Variants in RGS7 observed in about 807,000 individuals in gnomAD.
RGS7 encodes the protein regulator of G-protein signaling 7.
Under a neutral mutation model 81.1 loss-of-function variants are expected in RGS7, and 27 were observed. The ratio of observed to expected loss-of-function variants is 0.33; its 90% CI spans 0.25 to 0.46. The LOEUF (loss-of-function observed/expected upper bound fraction) is 0.46, where lower values mean the gene tolerates loss of function less well. Among genes scored for constraint, RGS7 ranks in the 20% least tolerant of loss-of-function variants. RGS7 has a pLI of 1.00. For missense variants in RGS7, 396 were observed against 607.4 expected (o/e 0.65, Z 3.66); for synonymous variants, 208 against 207.7 (o/e 1.00, Z -0.01).
intron 6 of RGS7, among the ~76,000 whole-genome samples, chr1:240,898,977 T>G (rs1242196333): frequency 2.0e-5 from 3 of 152,184 alleles, no homozygotes; most frequent in Admixed American, 6.5e-5. Flanking sequence ...CTGTATTGGG[T>G]GCATATATAT....
intron 3 of RGS7, among the ~76,000 whole-genome samples, chr1:240,992,613 T>G (rs1226200046): frequency 6.6e-6 from 1 of 152,164 alleles, no homozygotes; most frequent in African/African-American, 2.4e-5. Context: ...GTGCTATGTA[T>G]AGACCAAGGC....
At chr1:241,330,672 A>G (rs1400443688) in intron 2 of RGS7, among the ~76,000 whole-genome samples, 2 of 152,204 alleles carry the variant, frequency 1.3e-5, no homozygotes, top group Non-Finnish European at 2.9e-5. Flanking sequence ...CTATAGCTAT[A>G]TTTGTTTATG....
intron 3 of RGS7, among the ~76,000 whole-genome samples, chr1:241,071,439 T>G (rs532680787): frequency 6.6e-6 from 1 of 151,460 alleles, no homozygotes; most frequent in South Asian, 2.1e-4. Flanking sequence ...TTAGAGAACA[T>G]GTATGAGTTC....
At chr1:240,912,081 G>A (rs1358409756) in intron 6 of RGS7, among the ~76,000 whole-genome samples, 1 of 147,622 alleles carries the variant, frequency 6.8e-6, no homozygotes, top group Non-Finnish European at 1.5e-5. Flanking sequence ...AACCCATGAG[G>A]CGGAGCTTGC....
chr1:241,030,308 C>T (rs566148674), intron 3 of RGS7, among the ~76,000 whole-genome samples: 123 of 145,302 alleles, frequency 8.5e-4, no homozygotes, highest in Admixed American at 2.3e-3. Context: ...TTCTACCCTC[C>T]CACAGGGCTT....
At chr1:240,955,551 CAAAAAAAAAAA>C (rs369155474) in intron 4 of RGS7, among the ~76,000 whole-genome samples, 6 of 140,270 alleles carry the variant, frequency 4.3e-5, no homozygotes, top group Admixed American at 1.4e-4. Context: ...GACTCTGTCT[CAAAAAAAAAAA>C]AAAAAAAAAA....
At chr1:241,151,922 C>A (rs759865335) in intron 2 of RGS7, among the ~76,000 whole-genome samples, 1 of 152,160 alleles carries the variant, frequency 6.6e-6, no homozygotes, top group Non-Finnish European at 1.5e-5. Context: ...CTCCATGGTA[C>A]CATGTGCTTC....
intron 2 of RGS7, among the ~76,000 whole-genome samples, chr1:241,158,014 G>T (rs1177721383): frequency 2.0e-5 from 3 of 151,268 alleles, no homozygotes; most frequent in Admixed American, 2.0e-4. Flanking sequence ...TAGAGACAGG[G>T]TTTCACCGTG....
intron 18 of RGS7, among the ~76,000 whole-genome samples, chr1:240,793,741 C>T (rs1161656752): frequency 9.3e-5 from 14 of 151,040 alleles, no homozygotes; most frequent in Non-Finnish European, 1.8e-4. Flanking sequence ...TCCCGAGTAG[C>T]TGGGACTACA....
chr1:240,945,566 T>C (rs980102420), intron 4 of RGS7, among the ~76,000 whole-genome samples: 18 of 152,362 alleles, frequency 1.2e-4, no homozygotes, highest in African/African-American at 4.3e-4. Flanking sequence ...TGGTATCTCT[T>C]TTAAAAATCA....
At chr1:241,280,233 T>C (rs2078427534) in intron 2 of RGS7, among the ~76,000 whole-genome samples, 1 of 152,126 alleles carries the variant, frequency 6.6e-6, no homozygotes, top group East Asian at 1.9e-4. Context: ...CATATGAAAA[T>C]GAAGGCAGAG....
intron 2 of RGS7, among the ~76,000 whole-genome samples, chr1:241,347,014 C>T (rs1402174912): frequency 6.6e-6 from 1 of 152,130 alleles, no homozygotes; most frequent in Non-Finnish European, 1.5e-5. Context: ...CCTTGGCATA[C>T]ACCATCTTAA....
chr1:241,175,159 C>G (rs2071035464), intron 2 of RGS7, among the ~76,000 whole-genome samples: 1 of 152,042 alleles, frequency 6.6e-6, no homozygotes, highest in Non-Finnish European at 1.5e-5. Context: ...GCCTTGGCCT[C>G]TCAAAGTGCT....
At chr1:241,165,786 TAAA>T (rs1169374888) in intron 2 of RGS7, among the ~76,000 whole-genome samples, 1 of 107,476 alleles carries the variant, frequency 9.3e-6, no homozygotes, top group African/African-American at 3.6e-5. Flanking sequence ...ATAATAATAA[TAAA>T]AAAAAAAAAA....
At chr1:240,930,203 A>G (rs1572819641) in intron 6 of RGS7, among the ~76,000 whole-genome samples, 1 of 141,034 alleles carries the variant, frequency 7.1e-6, no homozygotes, top group Non-Finnish European at 1.5e-5. Flanking sequence ...ATTTATTAGC[A>G]TTGAATTTTC....
intron 2 of RGS7, among the ~76,000 whole-genome samples, chr1:241,315,910 G>A (rs2080843081): frequency 6.6e-6 from 1 of 152,126 alleles, no homozygotes; most frequent in African/African-American, 2.4e-5. Context: ...ATCAATAAAG[G>A]TTGTTACATT....
intron 9 of RGS7, among the ~76,000 whole-genome samples, chr1:240,847,754 A>C (rs1659360274): frequency 6.6e-6 from 1 of 152,212 alleles, no homozygotes; most frequent in Non-Finnish European, 1.5e-5. Context: ...GGTTTTTATT[A>C]TAGAAATCAA....
chr1:241,147,780 T>TTATATATATATATATATATATATA lies in RGS7; in HGVS notation c.79-49042_79-49019dup, dbSNP rs200770896. On this transcript the variant is annotated intron_variant, in intron 2 of 18. Transcript: ENST00000440928. ...TTAAATATCCCATCTAGATTAAGTT[T>TTATATATATATATATATATATATA]TATATATATATATATATATATATAT... 9.0e-5 allele frequency among the ~76,000 whole-genome samples: 4 copies of TTATATATATATATATATATATATA among 44,646 alleles called. 1 individual carries two copies. The highest frequency in any genetic ancestry group is 8.1e-4 in the East Asian group (1 of 1,228). The allele number at this position is 44,646 out of a possible 152,430, so 29.3% of individuals were successfully genotyped here. A position where few individuals can be genotyped will look rare whatever the true frequency, so the allele number is the denominator to read the frequency against.
intron 6 of RGS7, among the ~76,000 whole-genome samples, chr1:240,927,267 A>G (rs572101293): frequency 5.9e-5 from 9 of 152,220 alleles, no homozygotes; most frequent in Admixed American, 5.9e-4. Context: ...GGGTTTCACC[A>G]TGTTGGCCAG....
Sources: allele counts gnomAD v4.1 joint callset (sites outside exome capture counted in the v4.1 genomes callset), GRCh38; gene constraint gnomAD v4.1.1; transcripts MANE v1.5; gene names NCBI Gene and HGNC (gene_info 2026-07-23, HGNC 2026-07-21).